The following CDH13 variants were observed in gnomAD, a reference collection of about 807,000 sequenced individuals.
CDH13 encodes the protein cadherin-13.
CDH13 carries 24 observed loss-of-function variants against 63.8 expected under a neutral mutation model. The ratio of observed to expected loss-of-function variants is 0.38; its 90% CI spans 0.27 to 0.53. The LOEUF is 0.53. CDH13 is among the 20% of genes least tolerant of loss of function. The probability of loss-of-function intolerance (pLI) is 0.85; values close to 1 mark genes in which losing one functional copy is unlikely to be tolerated. For missense variants in CDH13, 1,049 were observed against 903.1 expected, an observed-to-expected ratio of 1.16 and a Z score of -2.07; for synonymous variants, 503 against 355.3, an observed-to-expected ratio of 1.42 and a Z score of -4.67.
chr16:83,428,988 C>T (rs2072004561), intron 6 of CDH13, among the ~76,000 whole-genome samples: 1 of 152,358 alleles, frequency 6.6e-6, no homozygotes, highest in South Asian at 2.1e-4. Flanking sequence ...GCACAAATAT[C>T]TTCTCTCATC....
chr16:83,328,257 C>T (rs2090410525), intron 5 of CDH13, among the ~76,000 whole-genome samples: 1 of 152,140 alleles, frequency 6.6e-6, no homozygotes, highest in Non-Finnish European at 1.5e-5. Flanking sequence ...CTTGGAATCT[C>T]AGCTGTTTTC....
chr16:82,775,499 C>T (rs2035453075), intron 1 of CDH13, among the ~76,000 whole-genome samples: 1 of 152,166 alleles, frequency 6.6e-6, no homozygotes, highest in Non-Finnish European at 1.5e-5. Context: ...TTACTGACAC[C>T]TTGGAAAGAT....
At chr16:83,532,689 G>A (rs2075106818) in intron 7 of CDH13, among the ~76,000 whole-genome samples, 1 of 152,174 alleles carries the variant, frequency 6.6e-6, no homozygotes, top group Non-Finnish European at 1.5e-5. Flanking sequence ...ACCATGCCTG[G>A]TGCCTTGTAA....
At chr16:83,205,239 C>A (rs952455227) in intron 4 of CDH13, among the ~76,000 whole-genome samples, 2 of 152,170 alleles carry the variant, frequency 1.3e-5, no homozygotes, top group African/African-American at 4.8e-5. Context: ...GAGTGAAACA[C>A]ACAGCATGCA....
At chr16:83,753,353 G>A (rs981225849) in intron 11 of CDH13, among the ~76,000 whole-genome samples, 2 of 152,062 alleles carry the variant, frequency 1.3e-5, no homozygotes, top group Admixed American at 6.6e-5. Context: ...AAACCATCCT[G>A]GGCAACATGG....
intron 6 of CDH13, among the ~76,000 whole-genome samples, chr16:83,358,977 G>A (rs552585292): frequency 6.6e-6 from 1 of 152,308 alleles, no homozygotes; most frequent in Admixed American, 6.5e-5. Flanking sequence ...TGCACACCAT[G>A]ATGGGGCTGC....
chr16:82,759,659 T>A (rs2034754469), intron 1 of CDH13, among the ~76,000 whole-genome samples: 1 of 151,836 alleles, frequency 6.6e-6, no homozygotes, highest in Non-Finnish European at 1.5e-5. Flanking sequence ...AAAATTGATA[T>A]TTTGCCTTAA....
At chr16:83,084,699 G>C (rs1045165575) in intron 3 of CDH13, among the ~76,000 whole-genome samples, 2 of 152,146 alleles carry the variant, frequency 1.3e-5, no homozygotes, top group African/African-American at 4.8e-5. Context: ...GACCGGCCTG[G>C]CCAACATGGT....
intron 5 of CDH13, among the ~76,000 whole-genome samples, chr16:83,281,182 A>G (rs2089160950): frequency 6.6e-6 from 1 of 152,246 alleles, no homozygotes; most frequent in Admixed American, 6.5e-5. Context: ...CACTTTCATC[A>G]ACGATCTTAG....
intron 4 of CDH13, among the ~76,000 whole-genome samples, chr16:83,187,807 C>G (rs1470445638): frequency 6.6e-6 from 1 of 152,064 alleles, no homozygotes; most frequent in African/African-American, 2.4e-5. Context: ...GTGTCAGTTG[C>G]TATGATAGGT....
intron 2 of CDH13, among the ~76,000 whole-genome samples, chr16:82,882,066 GTCC>G (rs966489773): frequency 6.6e-6 from 1 of 151,996 alleles, no homozygotes; most frequent in African/African-American, 2.4e-5. Context: ...GTATGAGTGA[GTCC>G]TCAGCTCAGT....
chr16:82,727,980 T>C (rs935213086), intron 1 of CDH13, among the ~76,000 whole-genome samples: 3 of 152,180 alleles, frequency 2.0e-5, no homozygotes, highest in African/African-American at 7.2e-5. Context: ...AGTTAGAATC[T>C]TCCCTTCGTA....
At chr16:83,449,589 T>G (rs1218805187) in intron 6 of CDH13, among the ~76,000 whole-genome samples, 1 of 152,180 alleles carries the variant, frequency 6.6e-6, no homozygotes, top group Admixed American at 6.5e-5. Context: ...AACAGTTCTT[T>G]CAGAGTCATT....
At chr16:83,613,352 T>C (rs2150766426) in intron 8 of CDH13, among the ~76,000 whole-genome samples, 1 of 152,372 alleles carries the variant, frequency 6.6e-6, no homozygotes, top group South Asian at 2.1e-4. Context: ...TTCTGACTCA[T>C]TTTATCTTCA....
At chr16:82,851,867 C>G (rs1022779082) in intron 1 of CDH13, among the ~76,000 whole-genome samples, 1 of 152,194 alleles carries the variant, frequency 6.6e-6, no homozygotes, top group African/African-American at 2.4e-5. Context: ...AGGCAGTATC[C>G]TTTCTTCCTC....
At chr16:83,689,596 T>C (rs1181507243) in intron 10 of CDH13, among the ~76,000 whole-genome samples, 1 of 152,222 alleles carries the variant, frequency 6.6e-6, no homozygotes, top group East Asian at 1.9e-4. Context: ...TCAAAGCTTG[T>C]ATTTTCAAGT....
At chr16:83,711,497 T>C (rs565253722) in intron 10 of CDH13, among the ~76,000 whole-genome samples, 17 of 152,246 alleles carry the variant, frequency 1.1e-4, no homozygotes, top group African/African-American at 3.4e-4. Flanking sequence ...TTTGGGGTTT[T>C]TTATTTTTTG....
At chr16:82,980,839 T>C (rs1427579123) in intron 2 of CDH13, among the ~76,000 whole-genome samples, 1 of 152,220 alleles carries the variant, frequency 6.6e-6, no homozygotes, top group African/African-American at 2.4e-5. Flanking sequence ...TGAGCATTCA[T>C]GAGAGCCAAA....
intron 6 of CDH13, among the ~76,000 whole-genome samples, chr16:83,464,460 C>T (rs1436312017): frequency 1.3e-5 from 2 of 152,186 alleles, no homozygotes; most frequent in Non-Finnish European, 2.9e-5. Context: ...TGCAGTGAGC[C>T]AAGATCGTGC....
Sources: allele counts gnomAD v4.1 joint callset (sites outside exome capture counted in the v4.1 genomes callset), GRCh38; gene constraint gnomAD v4.1.1; transcripts MANE v1.5; gene names NCBI Gene and HGNC (gene_info 2026-07-23, HGNC 2026-07-21).